The following SATB1 variants were observed in gnomAD, a reference collection of about 807,000 sequenced individuals.
SATB1 encodes the protein SATB homeobox 1, also known as DNA-binding protein SATB1.
A neutral mutation model predicts 86.9 loss-of-function variants in SATB1; 11 were observed. That is an observed-to-expected ratio of 0.13 (90% CI 0.08 to 0.21). The LOEUF is 0.21. Ranked by LOEUF, SATB1 falls within the 10% of genes least tolerant of loss-of-function variation. The probability of loss-of-function intolerance (pLI) is 1.00; values close to 1 mark genes in which losing one functional copy is unlikely to be tolerated. For synonymous variants in SATB1, 357 were observed against 357.2 expected (o/e 1.00, Z 0.01); for missense variants, 551 against 937.6 (o/e 0.59, Z 5.39).
intron 9 of SATB1, among the ~76,000 whole-genome samples, chr3:18,370,028 C>T (rs1186261549): frequency 6.6e-6 from 1 of 152,098 alleles, no homozygotes; most frequent in Non-Finnish European, 1.5e-5. Flanking sequence ...AAGGGGGAGA[C>T]CTAATGGAAT....
chr3:18,432,993 A>G (rs143291233), intron 2 of SATB1, among the ~76,000 whole-genome samples: 1 of 152,262 alleles, frequency 6.6e-6, no homozygotes, highest in Non-Finnish European at 1.5e-5. Context: ...AGTCTATGCT[A>G]CACAATTAAT....
chr3:18,358,218 A>G (rs1225728965), intron 9 of SATB1, among the ~76,000 whole-genome samples: 2 of 152,004 alleles, frequency 1.3e-5, no homozygotes, highest in Non-Finnish European at 2.9e-5. Flanking sequence ...TCAAATCATC[A>G]TATAATTTAA....
At chr3:18,417,473 G>T in intron 2 of SATB1, 1 of 589,778 alleles carries the variant, frequency 1.7e-6, no homozygotes, top group South Asian at 2.1e-5. Context: ...ATCTTCAGAA[G>T]AACCCACCTT....
intron 9 of SATB1, among the ~76,000 whole-genome samples, chr3:18,353,961 T>C (rs1180706035): frequency 1.3e-5 from 2 of 152,220 alleles, no homozygotes; most frequent in Non-Finnish European, 2.9e-5. Flanking sequence ...AAACTGAAGA[T>C]TTACCTGAAA....
intron 5 of SATB1, among the ~76,000 whole-genome samples, chr3:18,404,546 A>G (rs1227844021): frequency 6.6e-6 from 1 of 152,014 alleles, no homozygotes; most frequent in Non-Finnish European, 1.5e-5. Flanking sequence ...GAACACATCC[A>G]ATTCTATTTT....
At chr3:18,357,947 T>C (rs1200654369) in intron 9 of SATB1, among the ~76,000 whole-genome samples, 1 of 151,870 alleles carries the variant, frequency 6.6e-6, no homozygotes, top group East Asian at 1.9e-4. Flanking sequence ...CTTGTGACCT[T>C]TTTTCATGAA....
chr3:18,411,603 T>C (rs1345314362), intron 5 of SATB1, among the ~76,000 whole-genome samples: 1 of 152,034 alleles, frequency 6.6e-6, no homozygotes, highest in African/African-American at 2.4e-5. Context: ...AAAAGTTTCA[T>C]GACTACAGGC....
chr3:18,424,991 C>T lies in SATB1; in HGVS notation c.-1389G>A, dbSNP rs1320750968. Reference sequence around the variant, plus strand: ...TCCCCGGACGGGGCTGCTTCTCTCGCTCTCTCCCTCGCTAGCTCTACCCCT... The same window carrying T: ...TCCCCGGACGGGGCTGCTTCTCTCGTTCTCTCCCTCGCTAGCTCTACCCCT... On this transcript the variant is annotated 5_prime_UTR_variant, in exon 1 of 11. Transcript: ENST00000338745. 1 of 155,632 alleles carries T rather than the reference C, an allele frequency of 6.4e-6. No individual in the cohort carries two copies. Among genetic ancestry groups the T allele is most frequent in the East Asian group, 1.9e-4 (1 of 5,274 alleles). 9.6% of individuals were successfully genotyped at this position (155,632 alleles called of 1,614,324 possible).
At chr3:18,398,715 C>T (rs951784795) in intron 5 of SATB1, among the ~76,000 whole-genome samples, 8 of 152,106 alleles carry the variant, frequency 5.3e-5, no homozygotes, top group Non-Finnish European at 1.5e-5. Context: ...TCCTAAGAGG[C>T]ACTGTGATAT....
chr3:18,430,902 T>C (rs879432322), intron 2 of SATB1, among the ~76,000 whole-genome samples: 10 of 152,224 alleles, frequency 6.6e-5, no homozygotes, highest in South Asian at 4.1e-4. Context: ...CCAATGTTTA[T>C]GTTTGTTTTG....
At chr3:18,351,750 G>A in intron 10 of SATB1, 1 of 546,032 alleles carries the variant, frequency 1.8e-6, no homozygotes, top group Non-Finnish European at 3.3e-6. Flanking sequence ...CCAAACGAGT[G>A]TAAAAAAGGG....
chr3:18,402,018 AT>A (rs1333442305), intron 5 of SATB1, among the ~76,000 whole-genome samples: 2 of 152,182 alleles, frequency 1.3e-5, no homozygotes, highest in Non-Finnish European at 2.9e-5. Context: ...TAGATAGAAC[AT>A]TCTGAACCTT....
At chr3:18,428,511 C>A (rs1045292096), upstream of SATB1, among the ~76,000 whole-genome samples, 4 of 152,118 alleles carry the variant, frequency 2.6e-5, no homozygotes, top group Non-Finnish European at 5.9e-5. Flanking sequence ...CCTTCCTAGG[C>A]ATATGTGAAC....
intron 5 of SATB1, among the ~76,000 whole-genome samples, chr3:18,399,066 T>G (rs1354819192): frequency 6.6e-6 from 1 of 152,206 alleles, no homozygotes; most frequent in Non-Finnish European, 1.5e-5. Flanking sequence ...TTTAAAAAAA[T>G]TATTACTCTT....
chr3:18,394,529 C>A lies in SATB1; in HGVS notation c.1139G>T (p.Arg380Leu). ...EVSSEIYQWV[R>L]DELKRAGISQ... is the part of the protein sequence containing the mutation. ...GATTCCTGCTCGTTTCAGTTCATCG[C>A]GTACCCACTGGTAGATTTCGGAAGA... Residue 380 changes from arginine (R) to leucine (L), a missense_variant, in exon 7 of 11, where the codon CGC (arginine) becomes CTC (leucine). By Grantham distance (102) the Arg-to-Leu change is moderately radical. Around this residue, in one of 8 missense-constraint regions of SATB1, gnomAD observed 119 missense variants for 171.1 expected, o/e 0.70. Coordinates refer to ENST00000338745, the MANE Select transcript of SATB1 (RefSeq NM_002971.6). This position sits in a 1 kb window ranked among gnomAD's most constrained non-coding sequence, Gnocchi z 5.9. 6.2e-7 allele frequency: 1 copy of A among 1,614,164 alleles called. No homozygotes were observed. The highest frequency in any genetic ancestry group is 8.5e-7 in the Non-Finnish European group (1 of 1,180,028).
At chr3:18,409,528 C>A (rs1035456758) in intron 5 of SATB1, 10 of 151,946 alleles carry the variant, frequency 6.6e-5, no homozygotes, top group East Asian at 1.9e-4. Flanking sequence ...ACACAACTAC[C>A]CATATAAGAC....
upstream of SATB1, among the ~76,000 whole-genome samples, chr3:18,443,421 G>C (rs1559472195): frequency 2.6e-5 from 4 of 152,206 alleles, no homozygotes; most frequent in African/African-American, 7.2e-5. The surrounding 1 kb of genome is among the most constrained non-coding windows in gnomAD (Gnocchi z 4.4). Context: ...TGTAAGTCCG[G>C]AATGCCACTG....
upstream of SATB1, among the ~76,000 whole-genome samples, chr3:18,442,735 A>G (rs1222535942): frequency 6.6e-6 from 1 of 152,230 alleles, no homozygotes; most frequent in African/African-American, 2.4e-5. Flanking sequence ...TTTTCTAACA[A>G]TGTGAGAAAA....
chr3:18,431,410 G>A (rs1233880982), intron 2 of SATB1, among the ~76,000 whole-genome samples: 3 of 152,096 alleles, frequency 2.0e-5, no homozygotes, highest in East Asian at 3.9e-4. Flanking sequence ...TCTCCAAACT[G>A]CAAGACTCTA....
Sources: gnomAD v4.1 joint callset for allele counts (sites outside exome capture counted in the v4.1 genomes callset) on GRCh38, gnomAD v4.1.1 for gene constraint, gnomAD v4.1.1 regional missense constraint, Gnocchi (gnomAD v3.1) non-coding constraint, MANE v1.5 for transcripts, NCBI Gene and HGNC (gene_info 2026-07-23, HGNC 2026-07-21) for gene names.